Variants in TBXT observed in about 807,000 individuals in gnomAD.
The protein encoded by TBXT is T brachyury transcription factor.
Under a neutral mutation model 41.1 loss-of-function variants are expected in TBXT, and 19 were observed. That is an observed-to-expected ratio of 0.46 (90% confidence interval 0.32 to 0.68). TBXT has a LOEUF of 0.68. Ranked by LOEUF, TBXT falls within the 30% of genes least tolerant of loss-of-function variation. The pLI is 0.03. For synonymous variants in TBXT, 213 were observed against 238.9 expected, an observed-to-expected ratio of 0.89 and a Z score of 1.00; for missense variants, 536 against 582.0, an observed-to-expected ratio of 0.92 and a Z score of 0.81.
chr6:166,164,006 T>A (rs1779036392), intron 5 of TBXT, among the ~76,000 whole-genome samples: 1 of 152,260 alleles, frequency 6.6e-6, no homozygotes, highest in Non-Finnish European at 1.5e-5. Flanking sequence ...CATTGTTTAA[T>A]ATCTCCAAGT....
At chr6:166,160,159 G>C (rs1277699212) in intron 7 of TBXT, among the ~76,000 whole-genome samples, 1 of 152,010 alleles carries the variant, frequency 6.6e-6, no homozygotes, top group East Asian at 1.9e-4. Flanking sequence ...TTCTAGCTTT[G>C]GTATTTTAGG....
rs768390079 is a variant in TBXT, at chr6:166,160,871, C to T, written c.1003G>A (p.Val335Met). The T allele has an allele frequency of 2.4e-5, 38 of 1,613,926 alleles. No homozygotes were observed. The highest frequency in any genetic ancestry group is 2.1e-4 in the African/African-American group (16 of 74,886). The change falls in exon 7 of 8, where the codon GTG (valine) becomes ATG (methionine). Residue 335 changes from valine (V) to methionine (M), a missense_variant. Transcript: ENST00000366876. ...GTAGGTGGGCTGGCATTGTGGCTCA[C>T]GGGGAGCATGCTGGGATGGGCAGGC... The part of the protein sequence containing the change: ...GMPAHPSMLP[V>M]SHNASPPTSS...
At chr6:166,164,209 A>T (rs1779041989) in intron 5 of TBXT, among the ~76,000 whole-genome samples, 1 of 152,170 alleles carries the variant, frequency 6.6e-6, no homozygotes, top group Non-Finnish European at 1.5e-5. Flanking sequence ...CTAAGGAAAA[A>T]TTTGGTTCCT....
chr6:166,166,927 C>T, intron 1 of TBXT, 71 bp from the exon 2 acceptor site: 1 of 1,606,824 alleles, frequency 6.2e-7, no homozygotes, highest in Non-Finnish European at 8.5e-7. Flanking sequence ...AAGCTGGGCA[C>T]AGAGGCCTCA....
chr6:166,166,128 A>G (rs140054341), intron 2 of TBXT, among the ~76,000 whole-genome samples: 164 of 152,360 alleles, frequency 1.1e-3, no homozygotes, highest in Admixed American at 4.9e-3. Flanking sequence ...CAGGAAGGCT[A>G]TGGTCATTTT....
In TBXT at chr6:166,158,133, G is replaced by T; in HGVS notation, c.*182C>A. The stretch of plus-strand genomic sequence containing the variant: ...CACCGCTACTGCAGGTGTGAGCAAG[G>T]GATGCTGGGGCTCTGGGGAAAGGTG... On this transcript the variant is annotated 3_prime_UTR_variant, in exon 8 of 8. Transcript: ENST00000366876. The T allele has an allele frequency of 1.1e-6, 1 of 908,868 alleles. No individual in the cohort carries two copies. Among genetic ancestry groups the T allele is most frequent in the Non-Finnish European group, 1.7e-6 (1 of 585,954 alleles). The allele number at this position is 908,868 out of a possible 1,614,324, so 56.3% of individuals were successfully genotyped here. A position where few individuals can be genotyped will look rare whatever the true frequency, so the allele number is the denominator to read the frequency against.
chr6:166,168,228 G>C (rs1369179983), upstream of TBXT: 2 of 144,640 alleles, frequency 1.4e-5, no homozygotes, highest in East Asian at 4.8e-4. Context: ...CTGCCCGGCA[G>C]CCTGCGATGC....
chr6:166,159,322 G>A (rs796985368), intron 7 of TBXT, among the ~76,000 whole-genome samples: 3 of 147,372 alleles, frequency 2.0e-5, no homozygotes, highest in African/African-American at 7.6e-5. Flanking sequence ...CCCCACCACC[G>A]CAGTGATTCT....
Position 166,158,432 on chromosome 6 carries a change from T to A in TBXT, c.1194A>T (p.Gly398=). The A allele has an allele frequency of 6.2e-7, 1 of 1,614,120 alleles. No homozygotes were observed. The highest frequency in any genetic ancestry group is 8.5e-7 in the Non-Finnish European group (1 of 1,180,030). Residue 398 remains glycine, a synonymous_variant, in exon 8 of 8, where the codon GGA becomes GGT. Transcript: ENST00000366876. ...THPVSAPSSS[G]SPLYEGAAAA... ...CGGCCGCCCCTTCGTACAGTGGGGA[T>A]CCCGAGGAAGAGGGCGCCGAGACCG...
chr6:166,158,155 GGT>G lies in TBXT; in HGVS notation c.*158_*159del. Reference sequence around the variant, plus strand: ...AAGGGATGCTGGGGCTCTGGGGAAAGGTGCCGTGTGCTCCTCCACTGCTTTGA... The same window carrying G: ...AAGGGATGCTGGGGCTCTGGGGAAAGGCCGTGTGCTCCTCCACTGCTTTGA... On this transcript the variant is annotated 3_prime_UTR_variant, in exon 8 of 8. Coordinates refer to ENST00000366876, the MANE Select transcript of TBXT (RefSeq NM_001366285.2). 1 of 1,103,792 alleles carries G rather than the reference GGT, an allele frequency of 9.1e-7. No homozygotes were observed. Among genetic ancestry groups the G allele is most frequent in the South Asian group, 1.4e-5 (1 of 72,694 alleles). The allele number at this position is 1,103,792 out of a possible 1,614,324, so 68.4% of individuals were successfully genotyped here.
chr6:166,168,327 C>G (rs1293827006), upstream of TBXT: 2 of 152,314 alleles, frequency 1.3e-5, no homozygotes, highest in Non-Finnish European at 2.9e-5. Flanking sequence ...CGCGGCCTCA[C>G]CTGTCCCCGC....
At position 166,158,046 on chromosome 6, in the gene TBXT, G is replaced by A; in HGVS notation, c.*269C>T. 1 of 584,974 alleles carries A rather than the reference G, an allele frequency of 1.7e-6. No individual in the cohort carries two copies. The highest frequency in any genetic ancestry group is 3.0e-6 in the Non-Finnish European group (1 of 330,974). 36.2% of individuals were successfully genotyped at this position (584,974 alleles called of 1,614,324 possible). A position where few individuals can be genotyped will look rare whatever the true frequency, so the allele number is the denominator to read the frequency against. On this transcript the variant is annotated 3_prime_UTR_variant, in exon 8 of 8. Coordinates refer to ENST00000366876, the MANE Select transcript of TBXT (RefSeq NM_001366285.2). ...CCTGGCAAACATTTTTTCACCGTCA[G>A]TGAGGTTGGGCCAACTGCATCATCT... is the stretch of plus-strand genomic sequence containing the variant.
At chr6:166,160,761 T>C in intron 7 of TBXT, 76 bp downstream of exon 7, 1 of 1,601,778 alleles carries the variant, frequency 6.2e-7, no homozygotes, top group Non-Finnish European at 8.5e-7. Flanking sequence ...ACTAAGGGCC[T>C]ATGGGAATGG....
At position 166,158,713 on chromosome 6, in the gene TBXT, C is replaced by G. The variant is rs538294800; in HGVS notation, c.1038-125G>C. On this transcript the variant is annotated intron_variant, in intron 7 of 7. Coordinates refer to ENST00000366876, the MANE Select transcript of TBXT (RefSeq NM_001366285.2). ...AATATGACAGTTTTCTTCTTTCAAA[C>G]AGGTCATTTTCTCCAAATTATTAAA... is the stretch of plus-strand genomic sequence containing the variant. The G allele has an allele frequency of 3.4e-6, 4 of 1,175,042 alleles. No individual in the cohort carries two copies. In the Admixed American group the frequency reaches 9.0e-5, roughly 27 times the overall value. 72.8% of individuals were successfully genotyped at this position (1,175,042 alleles called of 1,614,324 possible).
At chr6:166,164,093 A>G (rs1228314016) in intron 5 of TBXT, among the ~76,000 whole-genome samples, 3 of 152,148 alleles carry the variant, frequency 2.0e-5, no homozygotes, top group African/African-American at 4.8e-5. Context: ...ATAATCCTCT[A>G]TCCTGCACTC....
chr6:166,158,339 T>G lies in TBXT; in HGVS notation c.1287A>C (p.Thr429=). Residue 429 remains threonine (T), a synonymous_variant, in exon 8 of 8, where the codon ACA becomes ACC. Transcript: ENST00000366876. ...TTCACATGGAAGGTGGCGACACAGG[T>G]GTCCATGAGGCTATGAGGCGGCCTT... ...AAQGRLIASW[T]PVSPPSM 6.2e-7 allele frequency: 1 copy of G among 1,614,174 alleles called. No homozygotes were observed. Among genetic ancestry groups the G allele is most frequent in the Non-Finnish European group, 8.5e-7 (1 of 1,180,026 alleles).
At position 166,162,527 on chromosome 6, in the gene TBXT, C is replaced by A; in HGVS notation, c.827G>T (p.Ser276Ile). 2 of 1,614,108 alleles carry A rather than the reference C, an allele frequency of 1.2e-6. No homozygotes were observed. The highest frequency in any genetic ancestry group is 1.7e-6 in the Non-Finnish European group (2 of 1,180,018). ...CCTCAGGGTTGGGTACCTGTCACAG[C>A]TGTGCGTGGAGGGGAGGGAGAGGGC... ...GGALSLPSTH[S>I]CDRYPTLRSH... Residue 276 changes from serine (S) to isoleucine (I), a missense_variant, in exon 6 of 8, where the codon AGC becomes ATC. By Grantham distance (142) the Ser-to-Ile change is moderately radical. Coordinates refer to ENST00000366876, the MANE Select transcript of TBXT (RefSeq NM_001366285.2).
intron 7 of TBXT, among the ~76,000 whole-genome samples, chr6:166,160,431 G>A (rs1265611583): frequency 2.6e-5 from 4 of 152,170 alleles, no homozygotes; most frequent in African/African-American, 4.8e-5. Context: ...CAACCCTGTA[G>A]GAGACAGGCC....
chr6:166,165,773 C>A lies in TBXT; in HGVS notation c.539G>T (p.Arg180Leu). ...IHIVRVGGPQ[R>L]MITSHCFPET... Reference sequence around the variant, plus strand: ...AGGGAAGCAGTGGCTGGTGATCATGCGCTGTGGACCCCCAACTCTCACTAT... The same window carrying A: ...AGGGAAGCAGTGGCTGGTGATCATGAGCTGTGGACCCCCAACTCTCACTAT... Residue 180 changes from arginine (R) to leucine (L), a missense_variant, in exon 3 of 8, where the codon CGC becomes CTC. Arg to Leu is a moderately radical substitution (Grantham distance 102). Coordinates refer to ENST00000366876, the MANE Select transcript of TBXT (RefSeq NM_001366285.2). 1 of 1,614,176 alleles carries A rather than the reference C, an allele frequency of 6.2e-7. No homozygotes were observed. Among genetic ancestry groups the A allele is most frequent in the Non-Finnish European group, 8.5e-7 (1 of 1,180,034 alleles).
Sources: gnomAD v4.1 joint callset for allele counts (sites outside exome capture counted in the v4.1 genomes callset) on GRCh38, gnomAD v4.1.1 for gene constraint, MANE v1.5 for transcripts, NCBI Gene and HGNC (gene_info 2026-07-23, HGNC 2026-07-21) for gene names.